The following ZNF595 variants were observed in gnomAD, a reference collection of about 807,000 sequenced individuals.
ZNF595 encodes the protein zinc finger protein 595.
ZNF595 carries 9 observed loss-of-function variants against 19.4 expected under a neutral mutation model. The ratio of observed to expected loss-of-function variants is 0.46; its 90% CI spans 0.28 to 0.81. The LOEUF (loss-of-function observed/expected upper bound fraction) is 0.81, where lower values mean the gene tolerates loss of function less well. Among genes scored for constraint, ZNF595 ranks in the 30% least tolerant of loss-of-function variants. The probability of loss-of-function intolerance (pLI) is 0.11; values close to 1 mark genes in which losing one functional copy is unlikely to be tolerated. For synonymous variants in ZNF595, 255 were observed against 255.9 expected, an observed-to-expected ratio of 1.00 and a Z score of 0.03; for missense variants, 729 against 736.0, an observed-to-expected ratio of 0.99 and a Z score of 0.11.
At position 85,765 on chromosome 4, in the gene ZNF595, A is replaced by G; in HGVS notation, c.261A>G (p.Pro87=). The part of the protein sequence containing the change: ...ICSPFSQDLS[P]VQGIEDSFHK... The stretch of plus-strand genomic sequence containing the variant: ...CTCCTTTCAGCCAAGACCTTTCACC[A>G]GTGCAGGGGATAGAAGATTCATTCC... Residue 87 remains proline (P), a synonymous_variant, in exon 4 of 4, where the codon CCA becomes CCG. Coordinates refer to ENST00000610261, the MANE Select transcript of ZNF595 (RefSeq NM_182524.4). 6.3e-7 allele frequency: 1 copy of G among 1,598,596 alleles called. No homozygotes were observed. Among genetic ancestry groups the G allele is most frequent in the Non-Finnish European group, 8.5e-7 (1 of 1,171,900 alleles).
chr4:66,823 GTTTT>G (rs1251510698), intron 3 of ZNF595, among the ~76,000 whole-genome samples: 7 of 152,120 alleles, frequency 4.6e-5, no homozygotes, highest in Non-Finnish European at 7.4e-5. Flanking sequence ...GTACCACACT[GTTTT>G]TATTTAGCTT....
At chr4:82,275 G>A (rs142606475) in intron 3 of ZNF595, among the ~76,000 whole-genome samples, 472 of 150,924 alleles carry the variant, frequency 3.1e-3, no homozygotes, top group Middle Eastern at 7.0e-3. Flanking sequence ...AGATTACATC[G>A]AACAGTCCAG....
chr4:71,679 T>C (rs1351989530), intron 3 of ZNF595, among the ~76,000 whole-genome samples: 1 of 152,206 alleles, frequency 6.6e-6, no homozygotes, highest in African/African-American at 2.4e-5. Flanking sequence ...AGCACTCTTC[T>C]TGTTTACTTT....
chr4:79,117 T>C (rs1713797246), intron 3 of ZNF595, among the ~76,000 whole-genome samples: 1 of 152,220 alleles, frequency 6.6e-6, no homozygotes, highest in Non-Finnish European at 1.5e-5. Flanking sequence ...GTTGCCCTTT[T>C]TTTCTCTTCA....
At chr4:77,430 A>G (rs1713718434) in intron 3 of ZNF595, among the ~76,000 whole-genome samples, 1 of 152,082 alleles carries the variant, frequency 6.6e-6, no homozygotes, top group Non-Finnish European at 1.5e-5. Context: ...TGGTTACTGG[A>G]AAATTTTCAG....
In ZNF595 at chr4:87,565, C is replaced by T; in HGVS notation, c.*114C>T. On this transcript the variant is annotated 3_prime_UTR_variant, in exon 4 of 4. Transcript: ENST00000610261. ...TCTTATTTTAAATTTTTTAAAATTT[C>T]TGTAGGTACATAGTATGTGTATCTA... 2.0e-6 allele frequency: 2 copies of T among 993,918 alleles called. No homozygotes were observed. Among genetic ancestry groups the T allele is most frequent in the East Asian group, 2.7e-5 (1 of 36,500 alleles). The allele number at this position is 993,918 out of a possible 1,614,324, so 61.6% of individuals were successfully genotyped here. A position where few individuals can be genotyped will look rare whatever the true frequency, so the allele number is the denominator to read the frequency against.
At position 87,432 on chromosome 4, in the gene ZNF595, C is replaced by T; in HGVS notation, c.1928C>T (p.Thr643Ile). ...STLTVHKRIH[T>I]GKEHS ...CTTACTGTACACAAGCGAATTCATA[C>T]TGGCAAGGAACATAGTTGAATGACA... The change falls in exon 4 of 4, where the codon ACT becomes ATT. Residue 643 changes from threonine to isoleucine, a missense_variant. Around this residue, in one of 2 missense-constraint regions of ZNF595, gnomAD observed 729 missense variants for 675.3 expected, o/e 1.08. Transcript: ENST00000610261. 2.5e-6 allele frequency: 4 copies of T among 1,597,234 alleles called. No individual in the cohort carries two copies. The highest frequency in any genetic ancestry group is 3.4e-6 in the Non-Finnish European group (4 of 1,171,416).
At position 85,940 on chromosome 4, in the gene ZNF595, C is replaced by G. The variant is rs1714121968; in HGVS notation, c.436C>G (p.Gln146Glu). The G allele has an allele frequency of 1.2e-6, 2 of 1,612,562 alleles. No homozygotes were observed. The highest frequency in any genetic ancestry group is 4.5e-5 in the East Asian group (2 of 44,830). Reference sequence around the variant, plus strand: ...GTCAACTACCCAGAGCAAAATATTTCAATGTAATACATGTGTTAAAGTTTT... The same window carrying G: ...GTCAACTACCCAGAGCAAAATATTTGAATGTAATACATGTGTTAAAGTTTT... ...CLSTTQSKIF[Q>E]CNTCVKVFSK... The change falls in exon 4 of 4, where the codon CAA (glutamine) becomes GAA (glutamate). Residue 146 changes from glutamine (Q) to glutamate (E), a missense_variant. Physicochemically the swap from Gln to Glu is conservative, Grantham distance 29 (BLOSUM62 2). This residue lies in a region of ZNF595 where 729 missense variants were observed against 675.3 expected (regional missense o/e 1.08). Transcript: ENST00000610261.
intron 3 of ZNF595, among the ~76,000 whole-genome samples, chr4:84,276 A>G (rs1043455327): frequency 6.6e-6 from 1 of 152,150 alleles, no homozygotes; most frequent in Non-Finnish European, 1.5e-5. Flanking sequence ...TTACATTTGT[A>G]TATGTTCATG....
chr4:62,077 AC>A lies in ZNF595; in HGVS notation c.226+1925del, dbSNP rs1237199457. ...AATTGTAAGCATACTTTACAGTATT[AC>A]TATAAAGACAATGCTATTTTGCTAA... On this transcript the variant is annotated intron_variant, in intron 3 of 3. Transcript: ENST00000610261. Among the ~76,000 whole-genome samples the A allele has an allele frequency of 6.8e-5, 8 of 117,868 alleles. 1 individual carries two copies. The highest frequency in any genetic ancestry group is 2.0e-4 in the African/African-American group (6 of 29,804). 77.3% of individuals were successfully genotyped at this position (117,868 alleles called of 152,430 possible). A position where few individuals can be genotyped will look rare whatever the true frequency, so the allele number is the denominator to read the frequency against.
chr4:74,303 T>A (rs782505318), intron 3 of ZNF595, among the ~76,000 whole-genome samples: 4 of 151,796 alleles, frequency 2.6e-5, no homozygotes, highest in African/African-American at 7.2e-5. Context: ...GAATATAAGT[T>A]ATACTGTTGG....
intron 1 of ZNF595, among the ~76,000 whole-genome samples, chr4:57,478 C>CCCATAATA (rs1581361841): frequency 2.0e-5 from 3 of 151,412 alleles, no homozygotes; most frequent in Non-Finnish European, 4.4e-5. Flanking sequence ...GGCATCAGCC[C>CCCATAATA]AGGGTCACTG....
chr4:77,787 A>G (rs1041610535), intron 3 of ZNF595, among the ~76,000 whole-genome samples: 1 of 152,172 alleles, frequency 6.6e-6, no homozygotes, highest in African/African-American at 2.4e-5. Context: ...AAATCCAATT[A>G]TATATGCAGA....
intron 3 of ZNF595, among the ~76,000 whole-genome samples, chr4:79,086 T>G (rs1459145227): frequency 7.2e-5 from 11 of 152,242 alleles, no homozygotes; most frequent in African/African-American, 2.7e-4. Context: ...AAAGTAAAAT[T>G]TAATACCTTA....
intron 3 of ZNF595, among the ~76,000 whole-genome samples, chr4:66,099 G>GT (rs1713085500): frequency 7.2e-6 from 1 of 139,514 alleles, no homozygotes; most frequent in Non-Finnish European, 1.5e-5. Flanking sequence ...CATTTTTCAG[G>GT]TGGCTGCATC....
chr4:84,626 CTCTG>C (rs1553800715), intron 3 of ZNF595, among the ~76,000 whole-genome samples: 1 of 152,158 alleles, frequency 6.6e-6, no homozygotes, highest in African/African-American at 2.4e-5. Flanking sequence ...TCCTAAGATT[CTCTG>C]TCTTTGACTT....
At chr4:61,405 G>C (rs1712859440) in intron 3 of ZNF595, among the ~76,000 whole-genome samples, 1 of 152,304 alleles carries the variant, frequency 6.6e-6, no homozygotes, top group Non-Finnish European at 1.5e-5. Context: ...CAAAGTGCTA[G>C]AATTACAGGC....
intron 3 of ZNF595, among the ~76,000 whole-genome samples, chr4:73,735 TAA>T (rs1713527608): frequency 6.6e-6 from 1 of 152,206 alleles, no homozygotes. Context: ...TAAACATAGG[TAA>T]AGTTTTTTCA....
rs782059388 is a variant in ZNF595 at position 85,683 on chromosome 4, C to T, written c.227-48C>T. ...CGATATTACATTCGTAAAGTATATT[C>T]ATATGAATCTAGTAAGTGGGATAAT... On this transcript the variant is annotated intron_variant, in intron 3 of 3. Transcript: ENST00000610261. The T allele has an allele frequency of 6.5e-4, 975 of 1,504,320 alleles. 2 individuals carry two copies. Among genetic ancestry groups the T allele is most frequent in the Non-Finnish European group, 8.0e-4 (895 of 1,125,376 alleles). 93.2% of individuals were successfully genotyped at this position (1,504,320 alleles called of 1,614,324 possible).
Sources: gnomAD v4.1 joint callset for allele counts (sites outside exome capture counted in the v4.1 genomes callset) on GRCh38, gnomAD v4.1.1 for gene constraint, gnomAD v4.1.1 regional missense constraint, MANE v1.5 for transcripts, NCBI Gene and HGNC (gene_info 2026-07-23, HGNC 2026-07-21) for gene names.